Variants in SORCS3 observed in about 807,000 individuals in gnomAD.
SORCS3 encodes the protein VPS10 domain-containing receptor SorCS3.
Under a neutral mutation model 146.3 loss-of-function variants are expected in SORCS3, and 57 were observed. That is an observed-to-expected ratio of 0.39 (90% CI 0.31 to 0.49). SORCS3 has a LOEUF of 0.49. Ranked by LOEUF, SORCS3 falls within the 20% of genes least tolerant of loss-of-function variation. The pLI is 0.92. For synonymous variants in SORCS3, 653 were observed against 618.5 expected (o/e 1.06, Z -0.83); for missense variants, 1,341 against 1,575.5 (o/e 0.85, Z 2.52).
chr10:104,695,567 T>G (rs2016164639), intron 1 of SORCS3, among the ~76,000 whole-genome samples: 1 of 152,028 alleles, frequency 6.6e-6, no homozygotes, highest in Non-Finnish European at 1.5e-5. Flanking sequence ...ATGAGTTCCA[T>G]TCCTCAGAGG....
intron 1 of SORCS3, among the ~76,000 whole-genome samples, chr10:104,793,904 A>C (rs1055717989): frequency 6.6e-6 from 1 of 152,204 alleles, no homozygotes; most frequent in Admixed American, 6.5e-5. Flanking sequence ...CGTCAGAGTC[A>C]ACAAAATTTC....
intron 5 of SORCS3, among the ~76,000 whole-genome samples, chr10:105,052,768 C>T (rs1022591232): frequency 6.6e-6 from 1 of 151,898 alleles, no homozygotes. Context: ...TTGAGCTCGG[C>T]GCCCAAGGAG....
chr10:104,953,498 G>T (rs1477786961), intron 3 of SORCS3, among the ~76,000 whole-genome samples: 1 of 152,224 alleles, frequency 6.6e-6, no homozygotes, highest in Non-Finnish European at 1.5e-5. Flanking sequence ...TATTTAAGAT[G>T]TCTAAGGTAG....
At chr10:105,101,623 C>A (rs896676563) in intron 6 of SORCS3, among the ~76,000 whole-genome samples, 7 of 152,184 alleles carry the variant, frequency 4.6e-5, no homozygotes, top group African/African-American at 1.4e-4. Flanking sequence ...CAACATTATA[C>A]CTGCTATGGG....
At chr10:104,857,559 T>C (rs1346168438) in intron 2 of SORCS3, among the ~76,000 whole-genome samples, 1 of 152,222 alleles carries the variant, frequency 6.6e-6, no homozygotes, top group Non-Finnish European at 1.5e-5. Context: ...AATGATCTGA[T>C]GTTCAATGCA....
chr10:104,793,985 G>T (rs2017522968), intron 1 of SORCS3, among the ~76,000 whole-genome samples: 1 of 152,176 alleles, frequency 6.6e-6, no homozygotes, highest in South Asian at 2.1e-4. Context: ...GGCAGAGTGT[G>T]GCAGGTCAGT....
chr10:105,262,371 G>A lies in SORCS3; in HGVS notation c.3484G>A (p.Asp1162Asn), dbSNP rs1026747537. Residue 1162 changes from aspartate to asparagine, a missense_variant, in exon 26 of 27, where the codon GAC becomes AAC. Physicochemically the swap from Asp to Asn is conservative, Grantham distance 23. Transcript: ENST00000369701. ...TAACATCTATGCTCAAGTCCAACAC[G>A]ACAAGGAGCAGGAGATGATTGGGTC... is the stretch of plus-strand genomic sequence containing the variant. ...WINIYAQVQH[D>N]KEQEMIGSVS... is the part of the protein sequence containing the mutation. 6.2e-6 allele frequency: 10 copies of A among 1,613,786 alleles called. No individual in the cohort carries two copies. Among genetic ancestry groups the A allele is most frequent in the East Asian group, 4.5e-5 (2 of 44,890 alleles).
intron 3 of SORCS3, among the ~76,000 whole-genome samples, chr10:104,921,025 A>G (rs1190906709): frequency 2.0e-5 from 3 of 152,198 alleles, no homozygotes; most frequent in African/African-American, 7.2e-5. Flanking sequence ...CTTGAAGATG[A>G]GGAATAGTAT....
chr10:104,968,733 A>G (rs2054841421), intron 3 of SORCS3, among the ~76,000 whole-genome samples: 1 of 152,242 alleles, frequency 6.6e-6, no homozygotes, highest in Non-Finnish European at 1.5e-5. Context: ...CTAGATACCT[A>G]TAATTATACA....
At chr10:104,642,647 T>A (rs1215685815) in intron 1 of SORCS3, among the ~76,000 whole-genome samples, 2 of 151,918 alleles carry the variant, frequency 1.3e-5, no homozygotes, top group Non-Finnish European at 2.9e-5. Context: ...TCCACACCCA[T>A]CCAGCGCTCA....
intron 4 of SORCS3, among the ~76,000 whole-genome samples, chr10:104,995,512 C>T (rs577523726): frequency 5.3e-5 from 8 of 152,214 alleles, no homozygotes; most frequent in East Asian, 1.9e-4. Flanking sequence ...TTGTAATTTC[C>T]ATTCTTTTAG....
At chr10:105,223,431 A>G (rs1028874562) in intron 20 of SORCS3, among the ~76,000 whole-genome samples, 182 bp downstream of exon 20, 3 of 152,234 alleles carry the variant, frequency 2.0e-5, no homozygotes, top group Admixed American at 2.0e-4. Context: ...TTTATTAGGG[A>G]AAGTTCAAAT....
intron 16 of SORCS3, among the ~76,000 whole-genome samples, chr10:105,203,577 G>A (rs2056586142): frequency 6.6e-6 from 1 of 152,088 alleles, no homozygotes; most frequent in Non-Finnish European, 1.5e-5. Context: ...GAAGAAATAA[G>A]AACTGTAAAA....
chr10:104,827,074 T>C (rs1389842757), intron 1 of SORCS3, among the ~76,000 whole-genome samples: 1 of 152,228 alleles, frequency 6.6e-6, no homozygotes, highest in South Asian at 2.1e-4. Flanking sequence ...TATCTGCAGT[T>C]ACTTTGTCCA....
intron 1 of SORCS3, among the ~76,000 whole-genome samples, chr10:104,718,393 A>G (rs1055819280): frequency 1.3e-5 from 2 of 152,118 alleles, no homozygotes; most frequent in African/African-American, 4.8e-5. Context: ...AATGACATTC[A>G]TCCATTCATG....
At chr10:105,039,326 GA>G (rs539757758) in intron 4 of SORCS3, among the ~76,000 whole-genome samples, 72 of 152,140 alleles carry the variant, frequency 4.7e-4, no homozygotes, top group African/African-American at 1.6e-3. Flanking sequence ...CCTCCAGGAG[GA>G]TAATTCAATT....
chr10:104,924,913 A>T (rs1285543933), intron 3 of SORCS3, among the ~76,000 whole-genome samples: 2 of 152,132 alleles, frequency 1.3e-5, no homozygotes, highest in Non-Finnish European at 2.9e-5. Context: ...TTTTTAAAAA[A>T]ATTTACTTTA....
chr10:104,996,598 A>T (rs767225629), intron 4 of SORCS3, among the ~76,000 whole-genome samples: 2 of 152,178 alleles, frequency 1.3e-5, no homozygotes, highest in Non-Finnish European at 2.9e-5. Context: ...AGAGCACTTC[A>T]TCTAACACAA....
chr10:104,842,026 C>T (rs1374823746), intron 1 of SORCS3, among the ~76,000 whole-genome samples: 2 of 152,200 alleles, frequency 1.3e-5, no homozygotes, highest in Non-Finnish European at 2.9e-5. Flanking sequence ...AAGTCCCCAG[C>T]TAGAGAAAGC....
Sources: allele counts gnomAD v4.1 joint callset (sites outside exome capture counted in the v4.1 genomes callset), GRCh38; gene constraint gnomAD v4.1.1; transcripts MANE v1.5; gene names NCBI Gene and HGNC (gene_info 2026-07-23, HGNC 2026-07-21).